IQSEC1: variants seen among roughly 807,000 people sequenced by gnomAD.
IQSEC1 encodes the protein IQ motif and SEC7 domain-containing protein 1.
Under a neutral mutation model 91.0 loss-of-function variants are expected in IQSEC1, and 31 were observed. The ratio of observed to expected loss-of-function variants is 0.34; its 90% CI spans 0.26 to 0.46. IQSEC1 has a LOEUF of 0.46. Among genes scored for constraint, IQSEC1 ranks in the 20% least tolerant of loss-of-function variants. The pLI is 1.00. For missense variants in IQSEC1, 1,388 were observed against 1,575.6 expected (o/e 0.88, Z 2.02); for synonymous variants, 699 against 662.6 (o/e 1.05, Z -0.84).
intron 1 of IQSEC1, among the ~76,000 whole-genome samples, chr3:13,004,967 C>T (rs1192521040): frequency 2.6e-5 from 4 of 152,160 alleles, no homozygotes; most frequent in Non-Finnish European, 4.4e-5. Flanking sequence ...TCTCTCATCC[C>T]GTATGTGCAG....
rs569769408 is a variant in IQSEC1 at position 13,139,129 on chromosome 3, T to C, written c.302+24975A>G. On this transcript the variant is annotated intron_variant, in intron 2 of 15. Transcript: ENST00000648114. ...ATTCCATTTGCCCCAGCCAGTGAAG[T>C]AGGCAGAGGACAGCACTTCGCTAGC... is the stretch of plus-strand genomic sequence containing the variant. 2.6e-5 allele frequency among the ~76,000 whole-genome samples: 4 copies of C among 152,226 alleles called. No individual in the cohort carries two copies. The East Asian group carries it at 5.8e-4, about 22-fold the overall frequency.
At chr3:13,069,142 G>A (rs1473926985) in intron 1 of IQSEC1, among the ~76,000 whole-genome samples, 1 of 152,208 alleles carries the variant, frequency 6.6e-6, no homozygotes, top group Non-Finnish European at 1.5e-5. Context: ...CCAGTGCTGT[G>A]TGGGTCATTC....
intron 1 of IQSEC1, among the ~76,000 whole-genome samples, chr3:13,044,001 C>T (rs1170690581): frequency 6.6e-6 from 1 of 152,142 alleles, no homozygotes; most frequent in Non-Finnish European, 1.5e-5. Flanking sequence ...TCCAGGCGGT[C>T]GGATGGGAGC....
chr3:13,281,079 G>A (rs1315660180), intron 1 of IQSEC1, among the ~76,000 whole-genome samples: 1 of 152,216 alleles, frequency 6.6e-6, no homozygotes, highest in African/African-American at 2.4e-5. Context: ...CATTCCCCAG[G>A]GTGGTGTTGT....
At chr3:12,910,054 G>C (rs1468544161) in intron 10 of IQSEC1, among the ~76,000 whole-genome samples, 1 of 151,934 alleles carries the variant, frequency 6.6e-6, no homozygotes, top group Non-Finnish European at 1.5e-5. Flanking sequence ...GTGCATATGT[G>C]TGCACATGTA....
At chr3:13,257,993 G>T (rs762248469) in intron 1 of IQSEC1, among the ~76,000 whole-genome samples, 3 of 152,234 alleles carry the variant, frequency 2.0e-5, no homozygotes, top group Non-Finnish European at 2.9e-5. Context: ...GTGCTAAAAA[G>T]AAATGTGCTA....
chr3:13,071,212 G>A (rs1705414958), intron 1 of IQSEC1, among the ~76,000 whole-genome samples: 1 of 140,504 alleles, frequency 7.1e-6, no homozygotes, highest in African/African-American at 2.7e-5. Context: ...TATAGCTCCT[G>A]GGCTACAACC....
At position 12,901,436 on chromosome 3, in the gene IQSEC1, G is replaced by A. The variant is rs1220070881; in HGVS notation, c.2892C>T (p.Asn964=). Residue 964 remains asparagine, a synonymous_variant, in exon 14 of 14, where the codon AAC becomes AAT. Coordinates refer to ENST00000613206, the MANE Select transcript of IQSEC1 (RefSeq NM_001134382.3). ...CPSRPHQTMP[N]SSSLLGSLFG... ...ATAAGGAGCCCAGGAGGGAAGATGA[G>A]TTGGGCATAGTCTGGTGTGGGCGAG... The A allele has an allele frequency of 2.6e-6, 4 of 1,548,016 alleles. No homozygotes were observed. The highest frequency in any genetic ancestry group is 1.4e-5 in the African/African-American group (1 of 72,994).
intron 2 of IQSEC1, among the ~76,000 whole-genome samples, chr3:13,162,899 T>TC (rs1045217189): frequency 2.1e-5 from 3 of 141,024 alleles, no homozygotes; most frequent in African/African-American, 5.3e-5. Context: ...CCCCCGGGCA[T>TC]CCCCCCCTTA....
intron 1 of IQSEC1, among the ~76,000 whole-genome samples, chr3:13,213,542 C>T (rs577865087): frequency 2.6e-5 from 4 of 152,324 alleles, no homozygotes; most frequent in African/African-American, 7.2e-5. Context: ...GCTCATCACC[C>T]ACGTTCTTGG....
intron 12 of IQSEC1, among the ~76,000 whole-genome samples, chr3:12,904,957 C>G (rs1312984456): frequency 1.3e-5 from 2 of 152,328 alleles, no homozygotes; most frequent in East Asian, 3.9e-4. Context: ...TGGAGTGACG[C>G]TGAGTGTCTT....
chr3:13,182,179 G>A (rs1028305233), intron 1 of IQSEC1, among the ~76,000 whole-genome samples: 1 of 152,102 alleles, frequency 6.6e-6, no homozygotes, highest in African/African-American at 2.4e-5. Context: ...GCCATCATGG[G>A]CATGTATTGG....
chr3:13,265,312 G>A (rs1411168744), intron 1 of IQSEC1, among the ~76,000 whole-genome samples: 2 of 82,836 alleles, frequency 2.4e-5, no homozygotes, highest in Non-Finnish European at 5.3e-5. Flanking sequence ...CTGTGCACTG[G>A]CACTGCGTGA....
Position 12,936,228 on chromosome 3 carries a change from C to G in IQSEC1, c.788G>C (p.Arg263Pro), listed in dbSNP as rs769383880. The G allele has an allele frequency of 2.5e-6, 4 of 1,613,092 alleles. No homozygotes were observed. The South Asian group carries it at 4.4e-5, about 18-fold the overall frequency. Residue 263 changes from arginine to proline, a missense_variant, in exon 3 of 14, where the codon CGG (arginine) becomes CCG (proline). Around this residue, in one of 2 missense-constraint regions of IQSEC1, gnomAD observed 1,059 missense variants for 1,317.8 expected, o/e 0.80. Coordinates refer to ENST00000613206, the MANE Select transcript of IQSEC1 (RefSeq NM_001134382.3). The part of the protein sequence containing the change: ...EAPALDAARA[R>P]DTEPQTALHG... ...CAGGGCTGTCTGGGGTTCGGTGTCC[C>G]GGGCCCGCGCCGCATCCAGGGCCGG...
At chr3:13,022,841 C>T (rs1444051378) in intron 1 of IQSEC1, among the ~76,000 whole-genome samples, 1 of 152,220 alleles carries the variant, frequency 6.6e-6, no homozygotes, top group Non-Finnish European at 1.5e-5. Context: ...GGGTCTCCAG[C>T]TGGTGAGTGA....
intron 1 of IQSEC1, among the ~76,000 whole-genome samples, chr3:13,005,927 C>A (rs1702616823): frequency 1.3e-5 from 2 of 152,222 alleles, no homozygotes; most frequent in Non-Finnish European, 2.9e-5. Flanking sequence ...CAGAGTGCCA[C>A]TGCCCAGAGC....
chr3:13,194,301 C>T (rs570682795), intron 1 of IQSEC1, among the ~76,000 whole-genome samples: 1 of 152,272 alleles, frequency 6.6e-6, no homozygotes, highest in East Asian at 1.9e-4. Flanking sequence ...CACTCCGCAG[C>T]TGCCTCCCGG....
intron 2 of IQSEC1, among the ~76,000 whole-genome samples, chr3:13,078,778 G>T (rs1344364565): frequency 6.6e-6 from 1 of 152,164 alleles, no homozygotes; most frequent in African/African-American, 2.4e-5. Flanking sequence ...CCGGAGGTCT[G>T]GGCTGGGCAG....
intron 2 of IQSEC1, among the ~76,000 whole-genome samples, chr3:13,159,402 C>T (rs1340070762): frequency 1.3e-5 from 2 of 152,164 alleles, no homozygotes; most frequent in African/African-American, 4.8e-5. Context: ...GCACTCCAGC[C>T]TGGACAACAA....
Sources: gnomAD v4.1 joint callset for allele counts (sites outside exome capture counted in the v4.1 genomes callset) on GRCh38, gnomAD v4.1.1 for gene constraint, gnomAD v4.1.1 regional missense constraint, MANE v1.5 for transcripts, NCBI Gene and HGNC (gene_info 2026-07-23, HGNC 2026-07-21) for gene names.